The following NOL8 variants were observed in gnomAD, a reference collection of about 807,000 sequenced individuals.
NOL8 encodes nucleolar protein Nop132.
NOL8 carries 93 observed loss-of-function variants against 116.1 expected under a neutral mutation model. The ratio of observed to expected loss-of-function variants is 0.80; its 90% CI spans 0.68 to 0.95. NOL8 has a LOEUF of 0.95. Ranked by LOEUF, NOL8 falls within the 40% of genes least tolerant of loss-of-function variation. The pLI, the probability that NOL8 is intolerant of heterozygous loss-of-function variation, is 0.00. For synonymous variants in NOL8, 419 were observed against 469.0 expected, an observed-to-expected ratio of 0.89 and a Z score of 1.38; for missense variants, 1,291 against 1,382.8, an observed-to-expected ratio of 0.93 and a Z score of 1.05.
At chr9:92,300,240 G>A in intron 13 of NOL8, 1 of 1,165,770 alleles carries the variant, frequency 8.6e-7, no homozygotes, top group South Asian at 2.5e-5. Context: ...AGAATGATCT[G>A]ATAAGGACAG....
At chr9:92,322,444 C>T (rs992115131) in intron 3 of NOL8, among the ~76,000 whole-genome samples, 4 of 152,250 alleles carry the variant, frequency 2.6e-5, no homozygotes, top group Middle Eastern at 3.4e-3. Context: ...CTCACTGCAA[C>T]CTCTGCCTCC....
rs1564228787 is a variant in NOL8, at chr9:92,314,792, T to C, written c.1833A>G (p.Ile611Met). ...NSMKHEDPSI[I>M]SMEDGSPYVN... ...CATATGGGGACCCATCTTCCATGGATATGATACTGGGATCCTCATGTTTCA... is the reference window on the plus strand; with the variant it reads ...CATATGGGGACCCATCTTCCATGGACATGATACTGGGATCCTCATGTTTCA... The change falls in exon 7 of 17, where the codon ATA (isoleucine) becomes ATG (methionine). Residue 611 changes from isoleucine (I) to methionine (M), a missense_variant. Coordinates refer to ENST00000442668, the MANE Select transcript of NOL8 (RefSeq NM_017948.6). 5.6e-6 allele frequency: 9 copies of C among 1,613,688 alleles called. No individual in the cohort carries two copies. The highest frequency in any genetic ancestry group is 1.7e-5 in the Admixed American group (1 of 59,992).
At chr9:92,298,704 G>T in intron 15 of NOL8, 180 bp downstream of exon 15, 2 of 482,706 alleles carry the variant, frequency 4.1e-6, no homozygotes, top group South Asian at 4.1e-5. Flanking sequence ...AGCGGGCAAA[G>T]AAAGTGGTGA....
intron 15 of NOL8, 58 bp from the exon 16 acceptor site, chr9:92,298,394 T>C (rs1837433161): frequency 9.2e-7 from 1 of 1,084,200 alleles, no homozygotes. Context: ...ATTGGTAATA[T>C]TCTAAGTGTT....
chr9:92,303,653 C>A (rs879618431), intron 12 of NOL8, among the ~76,000 whole-genome samples: 29 of 152,100 alleles, frequency 1.9e-4, no homozygotes, highest in Non-Finnish European at 3.5e-4. Context: ...AAGCTTCCAA[C>A]TGTTACCCAG....
chr9:92,315,743 T>C lies in NOL8; in HGVS notation c.882A>G (p.Arg294=), dbSNP rs753031787. The C allele has an allele frequency of 3.7e-5, 59 of 1,613,370 alleles. No homozygotes were observed. The highest frequency in any genetic ancestry group is 4.7e-5 in the Non-Finnish European group (56 of 1,179,646). The change falls in exon 7 of 17, where the codon AGA becomes AGG. Residue 294 remains arginine (R), a synonymous_variant. Coordinates refer to ENST00000442668, the MANE Select transcript of NOL8 (RefSeq NM_017948.6). ...CAGTATCATCATCAGAAATGCTGTT[T>C]CTCTTCTTGGCAGTTTCCAAGCCAG... is the stretch of plus-strand genomic sequence containing the variant. ...KTSGLETAKK[R]NSISDDDTDS...
intron 7 of NOL8, 91 bp from the exon 8 acceptor site, chr9:92,311,350 G>C: frequency 1.2e-6 from 1 of 814,528 alleles, no homozygotes. Flanking sequence ...TTGACAAGTG[G>C]GATCTAATTA....
rs1311002387 is a variant in NOL8 at position 92,316,043 on chromosome 9, T to G, written c.582A>C (p.Glu194Asp). 1 of 1,613,850 alleles carries G rather than the reference T, an allele frequency of 6.2e-7. No homozygotes were observed. The highest frequency in any genetic ancestry group is 8.5e-7 in the Non-Finnish European group (1 of 1,179,886). The change falls in exon 7 of 17, where the codon GAA (glutamate) becomes GAC (aspartate). Residue 194 changes from glutamate (E) to aspartate (D), a missense_variant. Glu to Asp is a conservative substitution (Grantham distance 45). Coordinates refer to ENST00000442668, the MANE Select transcript of NOL8 (RefSeq NM_017948.6). Reference protein sequence around the residue: ...NTIPISSLTWELEGGNDPMSK... With the variant: ...NTIPISSLTWDLEGGNDPMSK... Reference sequence around the variant, plus strand: ...TCATAGGGTCATTCCCTCCTTCTAATTCCCAAGTCAGGCTGGATATAGGAA... The same window carrying G: ...TCATAGGGTCATTCCCTCCTTCTAAGTCCCAAGTCAGGCTGGATATAGGAA...
chr9:92,319,462 GTAT>G, intron 4 of NOL8, 106 bp from the exon 5 acceptor site: 1 of 1,238,936 alleles, frequency 8.1e-7, no homozygotes, highest in Non-Finnish European at 1.0e-6. Flanking sequence ...CAGCTTTGTA[GTAT>G]TAAAAACCAA....
At position 92,315,574 on chromosome 9, in the gene NOL8, A is replaced by C. The variant is rs1422719779; in HGVS notation, c.1051T>G (p.Leu351Val). Residue 351 changes from leucine to valine, a missense_variant, in exon 7 of 17, where the codon TTA becomes GTA. Coordinates refer to ENST00000442668, the MANE Select transcript of NOL8 (RefSeq NM_017948.6). ...CGATTTTTGATACCTAAACCTATTA[A>C]AGAATGCAGTTTGTGAACGCCTGAT... ...FKSGVHKLHS[L>V]IGLGIKNRVS... The C allele has an allele frequency of 6.2e-7, 1 of 1,612,894 alleles. No homozygotes were observed. Among genetic ancestry groups the C allele is most frequent in the South Asian group, 1.1e-5 (1 of 90,944 alleles).
rs143808313 is a variant in NOL8 at position 92,301,486 on chromosome 9, T to C, written c.3175+65A>G. ...CTAACATGAAATCTGTTACACTTAA[T>C]GCAGATTCAATCAATTAAGTTCAAA... is the stretch of plus-strand genomic sequence containing the variant. On this transcript the variant is annotated intron_variant, in intron 13 of 16. Transcript: ENST00000442668. 102 of 1,252,556 alleles carry C rather than the reference T, an allele frequency of 8.1e-5. No individual in the cohort carries two copies. In the African/African-American group the frequency reaches 1.3e-3, roughly 16 times the overall value. The allele number at this position is 1,252,556 out of a possible 1,614,324, so 77.6% of individuals were successfully genotyped here.
chr9:92,311,304 T>A (rs757190591), intron 7 of NOL8, 45 bp from the exon 8 acceptor site: 1 of 1,448,662 alleles, frequency 6.9e-7, no homozygotes, highest in Non-Finnish European at 9.6e-7. Flanking sequence ...AGATTTATGA[T>A]GAAGACTCCA....
chr9:92,312,843 A>AAG (rs200706697), intron 7 of NOL8, among the ~76,000 whole-genome samples: 5,662 of 148,544 alleles, frequency 0.038, 307 homozygotes, highest in African/African-American at 0.11. Flanking sequence ...AAAAAAAAAA[A>AAG]AAAAAGAAAA....
chr9:92,321,393 A>C (rs1839910665), intron 4 of NOL8, among the ~76,000 whole-genome samples: 1 of 152,208 alleles, frequency 6.6e-6, no homozygotes, highest in South Asian at 2.1e-4. Flanking sequence ...ACAAAGAGAA[A>C]ATAAGTACAT....
chr9:92,310,332 A>G, intron 9 of NOL8, 71 bp from the exon 10 acceptor site: 1 of 1,336,332 alleles, frequency 7.5e-7, no homozygotes, highest in South Asian at 1.2e-5. Context: ...AAGACTGTCA[A>G]TGTACACCTC....
intron 7 of NOL8, among the ~76,000 whole-genome samples, chr9:92,313,835 T>C (rs1271624591): frequency 6.6e-6 from 1 of 152,222 alleles, no homozygotes; most frequent in Admixed American, 6.5e-5. Context: ...CCTGTGTAAC[T>C]GAACTGTGAC....
In NOL8 at chr9:92,310,219, G is replaced by C; in HGVS notation, c.2638C>G (p.Arg880Gly). 6.2e-7 allele frequency: 1 copy of C among 1,610,422 alleles called. No homozygotes were observed. The highest frequency in any genetic ancestry group is 2.2e-5 in the East Asian group (1 of 44,816). Reference sequence around the variant, plus strand: ...GTTTCTAGAAATCGAGAGTCCATGCGGAATCTGTCATCGGTGCCAAAGTGC... The same window carrying C: ...GTTTCTAGAAATCGAGAGTCCATGCCGAATCTGTCATCGGTGCCAAAGTGC... ...QSHFGTDDRF[R>G]MDSRFLETDS... Residue 880 changes from arginine (R) to glycine (G), a missense_variant, in exon 10 of 17, where the codon CGC (arginine) becomes GGC (glycine). By Grantham distance (125) the Arg-to-Gly change is moderately radical. Transcript: ENST00000442668.
chr9:92,324,982 T>C (rs1255698261), intron 1 of NOL8: 1 of 152,160 alleles, frequency 6.6e-6, no homozygotes, highest in African/African-American at 2.4e-5. Context: ...ACTATGAAGG[T>C]TGCTGTATCA....
Position 92,315,805 on chromosome 9 carries a change from C to A in NOL8, c.820G>T (p.Asp274Tyr). Reference protein sequence around the residue: ...PSKSSPVPVSDTQKLKNLPFK... With the variant: ...PSKSSPVPVSYTQKLKNLPFK... ...GGTAGATTTTTAAGTTTCTGAGTAT[C>A]AGAAACAGGTACAGGAGATGATTTA... Residue 274 changes from aspartate to tyrosine, a missense_variant, in exon 7 of 17, where the codon GAT becomes TAT. Asp to Tyr is a radical substitution (Grantham distance 160). Transcript: ENST00000442668. 1 of 1,613,838 alleles carries A rather than the reference C, an allele frequency of 6.2e-7. No homozygotes were observed. Among genetic ancestry groups the A allele is most frequent in the Non-Finnish European group, 8.5e-7 (1 of 1,179,856 alleles).
Sources: allele counts gnomAD v4.1 joint callset (sites outside exome capture counted in the v4.1 genomes callset), GRCh38; gene constraint gnomAD v4.1.1; transcripts MANE v1.5; gene names NCBI Gene and HGNC (gene_info 2026-07-23, HGNC 2026-07-21).